The following ABCG1 variants were observed in gnomAD, a reference collection of about 807,000 sequenced individuals.
The protein encoded by ABCG1 is ATP binding cassette subfamily G member 1.
ABCG1 carries 29 observed loss-of-function variants against 69.2 expected under a neutral mutation model. The observed-to-expected ratio is 0.42, with a 90% CI of 0.31 to 0.57. ABCG1 has a LOEUF of 0.57. ABCG1 is among the 20% of genes least tolerant of loss of function. ABCG1 has a pLI of 0.15. For synonymous variants in ABCG1, 370 were observed against 374.8 expected (o/e 0.99, Z 0.15); for missense variants, 718 against 898.1 (o/e 0.80, Z 2.56).
intron 2 of ABCG1, among the ~76,000 whole-genome samples, chr21:42,244,847 G>A (rs1336688389): frequency 2.6e-5 from 4 of 152,216 alleles, no homozygotes; most frequent in Admixed American, 1.3e-4. Flanking sequence ...GGGAACGACC[G>A]TAGGCAGGTG....
chr21:42,247,189 G>A (rs1601387515), intron 2 of ABCG1, among the ~76,000 whole-genome samples: 1 of 152,134 alleles, frequency 6.6e-6, no homozygotes. Context: ...AAAGCATCTT[G>A]TCTTCATTCA....
chr21:42,273,287 G>T lies in ABCG1; in HGVS notation c.405-16G>T. On this transcript the variant is annotated splice_polypyrimidine_tract_variant and intron_variant, in intron 3 of 14. Transcript: ENST00000398449. The surrounding 1 kb of genome is among the most constrained non-coding windows in gnomAD (Gnocchi z 5.3). ...AGGAGCCCGGCTGACGGCTTCTCCTGTCCTTGGTTCTGCAGGGAGACGGGC... is the reference window on the plus strand; with the variant it reads ...AGGAGCCCGGCTGACGGCTTCTCCTTTCCTTGGTTCTGCAGGGAGACGGGC... 6.2e-7 allele frequency: 1 copy of T among 1,609,260 alleles called. No homozygotes were observed. The highest frequency in any genetic ancestry group is 1.7e-5 in the Admixed American group (1 of 59,744).
chr21:42,295,831 T>G (rs2069197925), intron 14 of ABCG1, among the ~76,000 whole-genome samples: 1 of 152,212 alleles, frequency 6.6e-6, no homozygotes, highest in Non-Finnish European at 1.5e-5. Context: ...TGGCCCACGA[T>G]TCCCTCCAAC....
chr21:42,200,057 G>T (rs577380511), intron 1 of ABCG1, among the ~76,000 whole-genome samples: 1 of 152,346 alleles, frequency 6.6e-6, no homozygotes, highest in East Asian at 1.9e-4. Flanking sequence ...GCCTGGATTT[G>T]GGAGATGCAG....
intron 2 of ABCG1, chr21:42,259,480 T>A: frequency 6.5e-7 from 1 of 1,548,486 alleles, no homozygotes; most frequent in Non-Finnish European, 8.7e-7. Flanking sequence ...ATTGTCATCA[T>A]GCCCCCATCC....
intron 2 of ABCG1, among the ~76,000 whole-genome samples, chr21:42,249,272 C>T (rs962740595): frequency 1.3e-5 from 2 of 152,096 alleles, no homozygotes; most frequent in African/African-American, 2.4e-5. Flanking sequence ...CTGGCTGGCT[C>T]GTGGGCACAT....
At chr21:42,293,645 A>G (rs2069139266) in intron 13 of ABCG1, among the ~76,000 whole-genome samples, 1 of 148,626 alleles carries the variant, frequency 6.7e-6, no homozygotes, top group Admixed American at 6.7e-5. Flanking sequence ...CACACCACAC[A>G]CACTACACAC....
chr21:42,212,877 TA>T (rs1361178879), upstream of ABCG1, among the ~76,000 whole-genome samples: 2 of 152,030 alleles, frequency 1.3e-5, no homozygotes, highest in African/African-American at 4.8e-5. Context: ...GTATTTTTAG[TA>T]GAGATGGGGT....
chr21:42,240,549 C>T (rs557470776), intron 2 of ABCG1, among the ~76,000 whole-genome samples: 45 of 152,366 alleles, frequency 3.0e-4, no homozygotes, highest in African/African-American at 1.1e-3. Context: ...CTCACAGATT[C>T]AAGTGATTCT....
intron 5 of ABCG1, among the ~76,000 whole-genome samples, chr21:42,280,441 G>A (rs1267692207): frequency 3.3e-5 from 5 of 152,352 alleles, no homozygotes; most frequent in African/African-American, 1.2e-4. Flanking sequence ...GGCAGCCTGG[G>A]CTGCCGAGAT....
In ABCG1 at chr21:42,284,692, G is replaced by T. The variant is rs569678464; in HGVS notation, c.858+9G>T. 2 of 1,611,586 alleles carry T rather than the reference G, an allele frequency of 1.2e-6. No individual in the cohort carries two copies. Among genetic ancestry groups the T allele is most frequent in the South Asian group, 1.1e-5 (1 of 91,056 alleles). On this transcript the variant is annotated intron_variant, in intron 7 of 14. Coordinates refer to ENST00000398449, the MANE Select transcript of ABCG1 (RefSeq NM_016818.3). The stretch of plus-strand genomic sequence containing the variant: ...TCGAGCTGTTCGACCAGGTACGCGG[G>T]CCCCGGGCCCTCCCCGCCAGATTAC...
chr21:42,234,179 AG>A (rs1218619866), intron 2 of ABCG1, among the ~76,000 whole-genome samples: 1 of 152,046 alleles, frequency 6.6e-6, no homozygotes, highest in African/African-American at 2.4e-5. Flanking sequence ...AGGAGGGTGG[AG>A]GGGGAACGAG....
intron 2 of ABCG1, among the ~76,000 whole-genome samples, chr21:42,204,819 A>G (rs965252130): frequency 2.6e-5 from 4 of 152,150 alleles, no homozygotes; most frequent in African/African-American, 9.7e-5. Context: ...ATGATCAACT[A>G]TAGTATTTTT....
Position 42,225,869 on chromosome 21 carries a change from G to A in ABCG1, c.241G>A (p.Asp81Asn). 1 of 1,613,832 alleles carries A rather than the reference G, an allele frequency of 6.2e-7. No individual in the cohort carries two copies. The highest frequency in any genetic ancestry group is 8.5e-7 in the Non-Finnish European group (1 of 1,180,012). ...RRAAVNIEFR[D>N]LSYSVPEGPW... ...GGCAGCTGTGAACATTGAATTCAGGGACCTTTCCTATTCGGTTCCTGAAGG... is the reference window on the plus strand; with the variant it reads ...GGCAGCTGTGAACATTGAATTCAGGAACCTTTCCTATTCGGTTCCTGAAGG... The change falls in exon 2 of 15, where the codon GAC (aspartate) becomes AAC (asparagine). Residue 81 changes from aspartate to asparagine, a missense_variant. Asp to Asn is a conservative substitution (Grantham distance 23). This residue lies in a region of ABCG1 where 514 missense variants were observed against 574.3 expected (regional missense o/e 0.90). Transcript: ENST00000398449.
chr21:42,217,339 C>T (rs980415746), upstream of ABCG1, among the ~76,000 whole-genome samples: 6 of 152,118 alleles, frequency 3.9e-5, no homozygotes. Flanking sequence ...CTCACTTGCC[C>T]TGGCCACATG....
intron 2 of ABCG1, among the ~76,000 whole-genome samples, chr21:42,255,142 A>T (rs1285475893): frequency 6.6e-6 from 1 of 152,274 alleles, no homozygotes; most frequent in Non-Finnish European, 1.5e-5. Context: ...TTCATGCCTG[A>T]CAGGCAGATG....
rs74886708 is a variant in ABCG1, at chr21:42,241,979, A to G, written c.286+16065A>G. Among the ~76,000 whole-genome samples, 474 of 144,490 alleles carry G rather than the reference A, an allele frequency of 3.3e-3. 4 individuals are homozygous for G. Among genetic ancestry groups the G allele is most frequent in the South Asian group, 8.6e-3 (40 of 4,676 alleles). The allele number at this position is 144,490 out of a possible 152,430, so 94.8% of individuals were successfully genotyped here. A position where few individuals can be genotyped will look rare whatever the true frequency, so the allele number is the denominator to read the frequency against. Reference sequence around the variant, plus strand: ...GACAACAGAGCAAGACCCTGTCTCAAAAAAAAAAAAAAAAAAAGAACTCCC... The same window carrying G: ...GACAACAGAGCAAGACCCTGTCTCAGAAAAAAAAAAAAAAAAAGAACTCCC... On this transcript the variant is annotated intron_variant, in intron 2 of 14. Transcript: ENST00000398449.
chr21:42,250,498 C>A (rs2068202832), intron 2 of ABCG1, among the ~76,000 whole-genome samples: 1 of 152,182 alleles, frequency 6.6e-6, no homozygotes, highest in Non-Finnish European at 1.5e-5. Context: ...CGTGGAGGAG[C>A]ACAGTCCAGC....
Position 42,204,755 on chromosome 21 carries a change from T to C in ABCG1, c.48+3032T>C, listed in dbSNP as rs112251108. Among the ~76,000 whole-genome samples, 567 of 152,268 alleles carry C rather than the reference T, an allele frequency of 3.7e-3. 4 individuals carry two copies. Among genetic ancestry groups the C allele is most frequent in the African/African-American group, 0.013 (537 of 41,554 alleles). ...CAGTGGCTATTCACAGGCATGACAATTGTGTACTAAGGCCTCGAACTCCTG... is the reference window on the plus strand; with the variant it reads ...CAGTGGCTATTCACAGGCATGACAACTGTGTACTAAGGCCTCGAACTCCTG... On this transcript the variant is annotated intron_variant, in intron 2 of 15. Transcript: ENST00000398457.
Sources: gnomAD v4.1 joint callset for allele counts (sites outside exome capture counted in the v4.1 genomes callset) on GRCh38, gnomAD v4.1.1 for gene constraint, gnomAD v4.1.1 regional missense constraint, Gnocchi (gnomAD v3.1) non-coding constraint, MANE v1.5 for transcripts, NCBI Gene and HGNC (gene_info 2026-07-23, HGNC 2026-07-21) for gene names.